STYK1: variants seen among roughly 807,000 people sequenced by gnomAD.
STYK1 encodes STY kinase 1, also known as tyrosine-protein kinase STYK1.
STYK1 carries 46 observed loss-of-function variants against 48.1 expected under a neutral mutation model. That is an observed-to-expected ratio of 0.96 (90% CI 0.75 to 1.22). The LOEUF (loss-of-function observed/expected upper bound fraction) is 1.22. Ranked by LOEUF, STYK1 falls within the 50% of genes most tolerant of loss-of-function variation. The probability of loss-of-function intolerance (pLI) is 0.00; values close to 1 mark genes in which losing one functional copy is unlikely to be tolerated. For missense variants in STYK1, 527 were observed against 521.1 expected, an observed-to-expected ratio of 1.01 and a Z score of -0.11; for synonymous variants, 188 against 189.0, an observed-to-expected ratio of 0.99 and a Z score of 0.04.
At chr12:10,625,271 G>A (rs1344412561) in intron 7 of STYK1, among the ~76,000 whole-genome samples, 1 of 152,122 alleles carries the variant, frequency 6.6e-6, no homozygotes, top group East Asian at 1.9e-4. Flanking sequence ...AGGCTGGAGT[G>A]CAGTGGCGGG....
At chr12:10,625,510 C>T (rs948239794) in intron 7 of STYK1, among the ~76,000 whole-genome samples, 2 of 152,166 alleles carry the variant, frequency 1.3e-5, no homozygotes, top group African/African-American at 4.8e-5. Flanking sequence ...AGCCACTGCA[C>T]CCGGCCTGAT....
intron 1 of STYK1, among the ~76,000 whole-genome samples, chr12:10,668,268 G>A (rs1417570250): frequency 1.3e-5 from 2 of 152,114 alleles, no homozygotes; most frequent in Non-Finnish European, 2.9e-5. Flanking sequence ...GAGAACCAGA[G>A]CTTAAAACGG....
chr12:10,632,201 TA>T (rs56187392), intron 4 of STYK1, among the ~76,000 whole-genome samples: 6 of 146,824 alleles, frequency 4.1e-5, no homozygotes, highest in Admixed American at 1.4e-4. Flanking sequence ...TCCATCTCTT[TA>T]AAAAAAAAAC....
intron 1 of STYK1, among the ~76,000 whole-genome samples, chr12:10,666,403 G>C (rs1947833997): frequency 6.6e-6 from 1 of 152,112 alleles, no homozygotes; most frequent in Non-Finnish European, 1.5e-5. Context: ...ACATAATACT[G>C]TCTCCTAAAG....
chr12:10,636,700 CT>C (rs1172178687), intron 2 of STYK1, among the ~76,000 whole-genome samples: 2 of 152,134 alleles, frequency 1.3e-5, no homozygotes, highest in African/African-American at 4.8e-5. Context: ...CCTTTGCCTC[CT>C]TTTTAGTGGA....
chr12:10,630,919 C>T (rs1947419461), intron 5 of STYK1, 126 bp downstream of exon 5: 7 of 1,214,774 alleles, frequency 5.8e-6, no homozygotes, highest in Admixed American at 2.6e-5. Flanking sequence ...CTCAAGTTTC[C>T]ACTCTATTAC....
chr12:10,639,528 C>T (rs146326707), intron 1 of STYK1, among the ~76,000 whole-genome samples: 93 of 152,168 alleles, frequency 6.1e-4, no homozygotes, highest in African/African-American at 2.2e-3. Flanking sequence ...AATTCTCCTG[C>T]CTCAGCCTCC....
chr12:10,648,610 A>ATTAT (rs549570751), intron 1 of STYK1, among the ~76,000 whole-genome samples: 360 of 151,980 alleles, frequency 2.4e-3, no homozygotes, highest in Middle Eastern at 0.014. Context: ...AAGACAAAAT[A>ATTAT]TTATTTATTT....
At position 10,635,110 on chromosome 12, in the gene STYK1, A is replaced by G. The variant is rs547040843; in HGVS notation, c.-68-424T>C. Among the ~76,000 whole-genome samples, 9 of 152,222 alleles carry G rather than the reference A, an allele frequency of 5.9e-5. No homozygotes were observed. In the South Asian group the frequency reaches 1.9e-3, roughly 32 times the overall value. On this transcript the variant is annotated intron_variant, in intron 2 of 10. Transcript: ENST00000075503. ...AATATATTTTTTTTAGCTGTGCATC[A>G]TATTTTTTAAGCAAAACATTTTTTG... is the stretch of plus-strand genomic sequence containing the variant.
rs1416848981 is a variant in STYK1, at chr12:10,634,662, C to T, written c.-44G>A. 3 of 1,610,680 alleles carry T rather than the reference C, an allele frequency of 1.9e-6. No homozygotes were observed. Among genetic ancestry groups the T allele is most frequent in the Middle Eastern group, 1.7e-4 (1 of 6,060 alleles). On this transcript the variant is annotated 5_prime_UTR_variant, in exon 3 of 11. Transcript: ENST00000075503. ...TTCCCTGCTAGGCCCACAGAGAATG[C>T]ACACAGCACAGCTGTGAGTAATTCC...
At chr12:10,622,745 T>G in intron 8 of STYK1, 67 bp from the exon 9 acceptor site, 1 of 1,590,796 alleles carries the variant, frequency 6.3e-7, no homozygotes, top group Non-Finnish European at 8.6e-7. Context: ...CTCATTTAAG[T>G]GTCAGAAGCC....
intron 2 of STYK1, among the ~76,000 whole-genome samples, chr12:10,635,886 G>C (rs953221789): frequency 6.6e-6 from 1 of 151,966 alleles, no homozygotes; most frequent in African/African-American, 2.4e-5. Context: ...TTTTGCCTTT[G>C]CTTGACAAGA....
At chr12:10,647,302 T>C (rs913723406) in intron 1 of STYK1, among the ~76,000 whole-genome samples, 3 of 152,230 alleles carry the variant, frequency 2.0e-5, no homozygotes, top group Admixed American at 1.3e-4. Context: ...AACCCCCCTC[T>C]GGAATCACCA....
At chr12:10,650,367 T>G (rs1253964010) in intron 1 of STYK1, among the ~76,000 whole-genome samples, 2 of 152,210 alleles carry the variant, frequency 1.3e-5, no homozygotes, top group Non-Finnish European at 2.9e-5. Flanking sequence ...GAGATAATTC[T>G]GCCTGCTTAC....
At chr12:10,642,586 C>A (rs1482246717) in intron 1 of STYK1, among the ~76,000 whole-genome samples, 1 of 152,094 alleles carries the variant, frequency 6.6e-6, no homozygotes, top group Non-Finnish European at 1.5e-5. Context: ...CCAAAAATAA[C>A]AAAATGAAAC....
At chr12:10,629,400 T>C (rs1444117104) in intron 6 of STYK1, 93 bp downstream of exon 6, 3 of 1,315,190 alleles carry the variant, frequency 2.3e-6, no homozygotes, top group African/African-American at 1.5e-5. Context: ...ATAGTGTCTC[T>C]GCATTTTGTC....
intron 1 of STYK1, among the ~76,000 whole-genome samples, chr12:10,668,122 C>CT (rs112761726): frequency 3.4e-4 from 51 of 149,150 alleles, no homozygotes; most frequent in East Asian, 5.9e-4. Context: ...CAATAAAATA[C>CT]TTTTTTTTTT....
At chr12:10,649,064 A>T (rs570676930) in intron 1 of STYK1, among the ~76,000 whole-genome samples, 68 of 152,298 alleles carry the variant, frequency 4.5e-4, no homozygotes, top group Middle Eastern at 6.8e-3. Flanking sequence ...TATGTTTTTT[A>T]AAAATGGAAG....
chr12:10,645,045 G>C (rs1209301905), intron 1 of STYK1, among the ~76,000 whole-genome samples: 1 of 152,066 alleles, frequency 6.6e-6, no homozygotes, highest in African/African-American at 2.4e-5. Flanking sequence ...GGGGTCCAGG[G>C]GGAAACTCAA....
Sources: gnomAD v4.1 joint callset for allele counts (sites outside exome capture counted in the v4.1 genomes callset) on GRCh38, gnomAD v4.1.1 for gene constraint, MANE v1.5 for transcripts, NCBI Gene and HGNC (gene_info 2026-07-23, HGNC 2026-07-21) for gene names.